The following U2AF2 variants were observed in gnomAD, a reference collection of about 807,000 sequenced individuals.
U2AF2 encodes the protein U2 small nuclear RNA auxiliary factor 2.
U2AF2 carries 6 observed loss-of-function variants against 52.6 expected under a neutral mutation model. The observed-to-expected ratio is 0.11, with a 90% confidence interval of 0.06 to 0.23. The LOEUF (loss-of-function observed/expected upper bound fraction) is 0.23, where lower values mean the gene tolerates loss of function less well. Ranked by LOEUF, U2AF2 falls within the 10% of genes least tolerant of loss-of-function variation. The pLI, the probability that U2AF2 is intolerant of heterozygous loss-of-function variation, is 1.00. For synonymous variants in U2AF2, 284 were observed against 258.2 expected, an observed-to-expected ratio of 1.10 and a Z score of -0.96; for missense variants, 222 against 677.1, an observed-to-expected ratio of 0.33 and a Z score of 7.46.
rs1346560478 is a variant in U2AF2 at position 55,659,325 on chromosome 19, C to T, written c.165C>T (p.Ser55=). 6.4e-7 allele frequency: 1 copy of T among 1,559,346 alleles called. No individual in the cohort carries two copies. The highest frequency in any genetic ancestry group is 1.2e-5 in the South Asian group (1 of 85,900). The change falls in exon 2 of 12, where the codon TCC becomes TCT. Residue 55 remains serine, a synonymous_variant. Transcript: ENST00000308924. The stretch of plus-strand genomic sequence containing the variant: ...GCAACCGGGACCAGCGGAGCGCCTC[C>T]CGGGACAGGCGACGACGCAGGTACT... ...DRRNRDQRSA[S]RDRRRRSKPL...
At position 55,674,099 on chromosome 19, in the gene U2AF2, G is replaced by T; in HGVS notation, c.*31G>T. ...GCTGGGGGAGGGTGGGGGCAGGGCTGGCTGGGGGCTTCTCCCCACTCCCGC... is the reference window on the plus strand; with the variant it reads ...GCTGGGGGAGGGTGGGGGCAGGGCTTGCTGGGGGCTTCTCCCCACTCCCGC... On this transcript the variant is annotated 3_prime_UTR_variant, in exon 12 of 12. Transcript: ENST00000308924. 1 of 1,555,524 alleles carries T rather than the reference G, an allele frequency of 6.4e-7. No individual in the cohort carries two copies. The highest frequency in any genetic ancestry group is 1.2e-5 in the South Asian group (1 of 85,678).
chr19:55,663,570 C>T (rs764798128), intron 6 of U2AF2, 36 bp from the exon 7 acceptor site: 1 of 1,606,750 alleles, frequency 6.2e-7, no homozygotes, highest in Non-Finnish European at 8.5e-7. Context: ...TAGTCCCTGA[C>T]CCCCATCCCT....
chr19:55,661,430 A>G, intron 5 of U2AF2: 1 of 484,300 alleles, frequency 2.1e-6, no homozygotes. Context: ...CAACCCAGGG[A>G]TCAAGCACAC....
At chr19:55,670,837 A>C (rs1253586939) in intron 11 of U2AF2, 2 of 160,448 alleles carry the variant, frequency 1.2e-5, no homozygotes, top group East Asian at 1.9e-4. Flanking sequence ...GTGGGTGCGG[A>C]GGCACAGCAG....
chr19:55,662,486 C>G lies in U2AF2; in HGVS notation c.487-16C>G. The G allele has an allele frequency of 2.1e-6, 2 of 972,430 alleles. No individual in the cohort carries two copies. The highest frequency in any genetic ancestry group is 3.1e-6 in the Non-Finnish European group (2 of 655,342). 60.2% of individuals were successfully genotyped at this position (972,430 alleles called of 1,614,324 possible). A position where few individuals can be genotyped will look rare whatever the true frequency, so the allele number is the denominator to read the frequency against. ...CCTTCCCCCGCCCCCCCCCTTGTCT[C>G]CTATTCCCTCTGCAGGAGGCCATGA... On this transcript the variant is annotated splice_polypyrimidine_tract_variant and intron_variant, in intron 5 of 11. Transcript: ENST00000308924.
intron 7 of U2AF2, chr19:55,664,106 G>A (rs995187337): frequency 3.7e-5 from 8 of 216,434 alleles, no homozygotes; most frequent in African/African-American, 1.1e-4. Flanking sequence ...GCTGTGTGTC[G>A]ACGGTTGGCA....
At position 55,661,499 on chromosome 19, in the gene U2AF2, GACACACACACACACACACAC is replaced by G. The variant is rs59262812; in HGVS notation, c.486+334_486+353del. Among the ~76,000 whole-genome samples, 1,445 of 145,184 alleles carry G rather than the reference GACACACACACACACACACAC, an allele frequency of 1.0e-2. 27 individuals are homozygous for G. Among genetic ancestry groups the G allele is most frequent in the African/African-American group, 0.032 (1,238 of 39,170 alleles). On this transcript the variant is annotated intron_variant, in intron 5 of 11. Transcript: ENST00000308924. The stretch of plus-strand genomic sequence containing the variant: ...GGAGAGAGACAGAGAGGGAGACTTG[GACACACACACACACACACAC>G]ACACACACACACACACACACACAGA...
In U2AF2 at chr19:55,655,083, G is replaced by A. The variant is rs1983683934; in HGVS notation, c.-22G>A. The A allele has an allele frequency of 6.2e-7, 1 of 1,605,780 alleles. No individual in the cohort carries two copies. Among genetic ancestry groups the A allele is most frequent in the African/African-American group, 1.4e-5 (1 of 73,322 alleles). On this transcript the variant is annotated 5_prime_UTR_variant, in exon 1 of 12. Coordinates refer to ENST00000308924, the MANE Select transcript of U2AF2 (RefSeq NM_007279.3). Reference sequence around the variant, plus strand: ...GCAAGGCGAGGCGAAAGCTGCACAGGGCCCTACGCGGCCGCCTCAGCATGT... The same window carrying A: ...GCAAGGCGAGGCGAAAGCTGCACAGAGCCCTACGCGGCCGCCTCAGCATGT...
In U2AF2 at chr19:55,670,380, C is replaced by A. The variant is rs1406146545; in HGVS notation, c.1293+688C>A. Among the ~76,000 whole-genome samples the A allele has an allele frequency of 2.7e-5, 4 of 148,410 alleles. No homozygotes were observed. The Admixed American group carries it at 2.7e-4, about 10-fold the overall frequency. On this transcript the variant is annotated intron_variant, in intron 11 of 11. Transcript: ENST00000308924. ...TGTATGTATGGAATTCCCATCGTAC[C>A]AGGCTCTGATCTAGACGCTGAGGGT...
intron 7 of U2AF2, among the ~76,000 whole-genome samples, chr19:55,664,455 C>T (rs1222632111): frequency 6.6e-6 from 1 of 152,172 alleles, no homozygotes; most frequent in African/African-American, 2.4e-5. Context: ...CCTGTCAGCC[C>T]ACAGGCTATA....
rs748912823 is a variant in U2AF2 at position 55,668,627 on chromosome 19, G to A, written c.822+41G>A. On this transcript the variant is annotated intron_variant, in intron 8 of 11. Transcript: ENST00000308924. The surrounding 1 kb of genome is among the most constrained non-coding windows in gnomAD (Gnocchi z 5.5). The stretch of plus-strand genomic sequence containing the variant: ...CCCTCCAGACCCGTCCCCCCACCCC[G>A]CCCCACCTCATCCCAGCCCTGATGG... 1.4e-5 allele frequency: 9 copies of A among 643,192 alleles called. No homozygotes were observed. Among genetic ancestry groups the A allele is most frequent in the African/African-American group, 6.7e-5 (3 of 44,902 alleles). The allele number at this position is 643,192 out of a possible 1,614,324, so 39.8% of individuals were successfully genotyped here.
chr19:55,656,578 G>A (rs1356882507), intron 1 of U2AF2, among the ~76,000 whole-genome samples: 2 of 152,220 alleles, frequency 1.3e-5, no homozygotes, highest in Non-Finnish European at 2.9e-5. Context: ...AACGATAGAT[G>A]TAGTTAAACT....
chr19:55,662,641 G>A (rs1362392708), intron 6 of U2AF2, 23 bp downstream of exon 6: 1 of 1,603,314 alleles, frequency 6.2e-7, no homozygotes, highest in South Asian at 1.1e-5. Flanking sequence ...AGTGAGTGAG[G>A]TCCAGGAAAC....
At chr19:55,660,815 G>C (rs534318832) in intron 4 of U2AF2, among the ~76,000 whole-genome samples, 196 bp downstream of exon 4, 133 of 152,244 alleles carry the variant, frequency 8.7e-4, no homozygotes, top group African/African-American at 3.1e-3. Context: ...GTGGTTGACA[G>C]GGGAATGAGG....
chr19:55,655,306 T>C (rs903358302), intron 1 of U2AF2, among the ~76,000 whole-genome samples, 153 bp downstream of exon 1: 7 of 151,626 alleles, frequency 4.6e-5, no homozygotes, highest in African/African-American at 1.7e-4. Flanking sequence ...TCACGTGACG[T>C]CCCCAGCGTT....
At chr19:55,665,657 T>C (rs935852378) in intron 7 of U2AF2, among the ~76,000 whole-genome samples, 1 of 152,196 alleles carries the variant, frequency 6.6e-6, no homozygotes, top group African/African-American at 2.4e-5. Context: ...GTTTTTTTGT[T>C]GTGTTTTTTG....
intron 1 of U2AF2, among the ~76,000 whole-genome samples, chr19:55,655,492 C>T (rs1476972877): frequency 6.6e-6 from 1 of 152,274 alleles, no homozygotes; most frequent in African/African-American, 2.4e-5. Context: ...TTTGGTTTCT[C>T]TGAAAAGGAG....
Position 55,669,422 on chromosome 19 carries a change from G to A in U2AF2, c.1045-22G>A, listed in dbSNP as rs370161566. The A allele has an allele frequency of 1.7e-5, 27 of 1,575,470 alleles. 2 individuals are homozygous for A. Among genetic ancestry groups the A allele is most frequent in the African/African-American group, 1.2e-4 (9 of 73,994 alleles). On this transcript the variant is annotated intron_variant, in intron 10 of 11. Coordinates refer to ENST00000308924, the MANE Select transcript of U2AF2 (RefSeq NM_007279.3). Reference sequence around the variant, plus strand: ...CTGGGTCTGGGCCCCCTGTGACGCCGCTGCCTCCCCTGGCCCCACAGAGCA... The same window carrying A: ...CTGGGTCTGGGCCCCCTGTGACGCCACTGCCTCCCCTGGCCCCACAGAGCA...
At chr19:55,666,191 C>A (rs548656780) in intron 7 of U2AF2, among the ~76,000 whole-genome samples, 1 of 152,332 alleles carries the variant, frequency 6.6e-6, no homozygotes, top group African/African-American at 2.4e-5. Flanking sequence ...GCCCCCTGCA[C>A]CAAGATGGCC....
Sources: allele counts gnomAD v4.1 joint callset (sites outside exome capture counted in the v4.1 genomes callset), GRCh38; gene constraint gnomAD v4.1.1; non-coding constraint Gnocchi (gnomAD v3.1); transcripts MANE v1.5; gene names NCBI Gene and HGNC (gene_info 2026-07-23, HGNC 2026-07-21).